The following CSMD1 variants were observed in gnomAD, a reference collection of about 807,000 sequenced individuals.
The protein encoded by CSMD1 is CUB and Sushi multiple domains 1.
CSMD1 carries 213 observed loss-of-function variants against 417.5 expected under a neutral mutation model. That is an observed-to-expected ratio of 0.51 (90% CI 0.46 to 0.57). The LOEUF is 0.57. Among genes scored for constraint, CSMD1 ranks in the 20% least tolerant of loss-of-function variants. CSMD1 has a pLI of 0.00. For synonymous variants in CSMD1, 2,862 were observed against 1,736.8 expected, an observed-to-expected ratio of 1.65 and a Z score of -16.11; for missense variants, 6,923 against 4,529.7, an observed-to-expected ratio of 1.53 and a Z score of -15.17.
At chr8:4,626,431 A>G (rs1244071275) in intron 2 of CSMD1, among the ~76,000 whole-genome samples, 1 of 152,098 alleles carries the variant, frequency 6.6e-6, no homozygotes, top group South Asian at 2.1e-4. Context: ...CAATAGTAGT[A>G]ACTCTGAACC....
intron 5 of CSMD1, among the ~76,000 whole-genome samples, chr8:3,956,845 C>A (rs1242960360): frequency 6.6e-6 from 1 of 152,162 alleles, no homozygotes; most frequent in African/African-American, 2.4e-5. Context: ...GTTGGTGGCT[C>A]TTCCTGACTA....
At chr8:4,717,562 C>T (rs1584990850) in intron 1 of CSMD1, among the ~76,000 whole-genome samples, 2 of 127,310 alleles carry the variant, frequency 1.6e-5, no homozygotes, top group East Asian at 4.7e-4. Flanking sequence ...ATCTATCTAT[C>T]TATCCATCCA....
chr8:3,391,572 T>A (rs535886033), intron 17 of CSMD1, among the ~76,000 whole-genome samples: 74 of 152,252 alleles, frequency 4.9e-4, no homozygotes, highest in African/African-American at 1.7e-3. Context: ...CACTAACATA[T>A]GAGATGATTC....
At chr8:4,236,307 G>T (rs1404403593) in intron 3 of CSMD1, among the ~76,000 whole-genome samples, 1 of 151,988 alleles carries the variant, frequency 6.6e-6, no homozygotes, top group Non-Finnish European at 1.5e-5. Context: ...TAGAACGCAG[G>T]AAACAGTATA....
At chr8:3,288,987 C>G (rs891644332) in intron 25 of CSMD1, among the ~76,000 whole-genome samples, 5 of 143,348 alleles carry the variant, frequency 3.5e-5, no homozygotes, top group Admixed American at 2.7e-4. Flanking sequence ...TCCCCCTACC[C>G]CACAACAGTC....
intron 2 of CSMD1, among the ~76,000 whole-genome samples, chr8:4,483,810 T>C (rs1801228494): frequency 1.3e-5 from 2 of 152,198 alleles, no homozygotes; most frequent in African/African-American, 4.8e-5. Flanking sequence ...GGTTGGTTTG[T>C]GAAGGTTTCA....
intron 3 of CSMD1, among the ~76,000 whole-genome samples, chr8:4,118,046 G>C (rs988415026): frequency 8.6e-5 from 13 of 151,876 alleles, no homozygotes; most frequent in African/African-American, 3.1e-4. Context: ...TAGTCATCAG[G>C]GAACAATGAA....
At chr8:3,405,723 G>A (rs1273017077) in intron 15 of CSMD1, among the ~76,000 whole-genome samples, 1 of 152,172 alleles carries the variant, frequency 6.6e-6, no homozygotes, top group African/African-American at 2.4e-5. Flanking sequence ...GCAGAGATGA[G>A]GGTGAGGCTT....
At chr8:3,959,366 G>C (rs1218213217) in intron 5 of CSMD1, among the ~76,000 whole-genome samples, 2 of 152,148 alleles carry the variant, frequency 1.3e-5, no homozygotes, top group African/African-American at 4.8e-5. Context: ...GGGTGTGATG[G>C]CGCCAGCCTG....
intron 3 of CSMD1, among the ~76,000 whole-genome samples, chr8:4,110,316 G>A (rs879390803): frequency 1.3e-4 from 20 of 152,178 alleles, no homozygotes; most frequent in Admixed American, 7.2e-4. Flanking sequence ...CATTTCCCAG[G>A]AACTTGTGAA....
chr8:4,130,705 A>G lies in CSMD1; in HGVS notation c.416-98606T>C, dbSNP rs1170233868. Among the ~76,000 whole-genome samples, 7 of 143,632 alleles carry G rather than the reference A, an allele frequency of 4.9e-5. No homozygotes were observed. The East Asian group carries it at 1.4e-3, about 29-fold the overall frequency. 94.2% of individuals were successfully genotyped at this position (143,632 alleles called of 152,430 possible). On this transcript the variant is annotated intron_variant, in intron 3 of 69. Transcript: ENST00000635120. ...TTTTAGTGGAATTTTGGAGGGGAGTAGATAACACATGAAAGTATTTTGTCT... is the reference window on the plus strand; with the variant it reads ...TTTTAGTGGAATTTTGGAGGGGAGTGGATAACACATGAAAGTATTTTGTCT...
intron 23 of CSMD1, among the ~76,000 whole-genome samples, chr8:3,330,564 A>G (rs1806827105): frequency 6.6e-6 from 1 of 152,206 alleles, no homozygotes; most frequent in African/African-American, 2.4e-5. Flanking sequence ...ATGAACACAA[A>G]GAAGGGGATG....
chr8:3,140,253 G>T (rs1195815192), intron 41 of CSMD1, among the ~76,000 whole-genome samples: 1 of 152,146 alleles, frequency 6.6e-6, no homozygotes, highest in Non-Finnish European at 1.5e-5. Context: ...GAAAAAGAGA[G>T]AGAGCAGAGA....
intron 1 of CSMD1, among the ~76,000 whole-genome samples, chr8:4,805,059 A>G (rs1259399492): frequency 3.3e-5 from 5 of 152,196 alleles, no homozygotes; most frequent in South Asian, 2.1e-4. Flanking sequence ...AGCAGCTCCA[A>G]TTTGGAGTTT....
chr8:4,280,153 G>A (rs1796700681), intron 3 of CSMD1, among the ~76,000 whole-genome samples: 1 of 152,174 alleles, frequency 6.6e-6, no homozygotes. Context: ...GAATTATTTA[G>A]AAGTACGCTT....
rs559981806 is a variant in CSMD1 at position 4,803,866 on chromosome 8, G to A, written c.86-166308C>T. 6.6e-5 allele frequency among the ~76,000 whole-genome samples: 10 copies of A among 152,216 alleles called. No homozygotes were observed. The South Asian group carries it at 1.7e-3, about 25-fold the overall frequency. On this transcript the variant is annotated intron_variant, in intron 1 of 69. Coordinates refer to ENST00000635120, the MANE Select transcript of CSMD1 (RefSeq NM_033225.6). Reference sequence around the variant, plus strand: ...TGTGTGTGTTACATATTTTTTGTAAGAATTTAATGAGAGCCAAGTGTTAAC... The same window carrying A: ...TGTGTGTGTTACATATTTTTTGTAAAAATTTAATGAGAGCCAAGTGTTAAC...
chr8:2,969,079 C>T (rs1001128041), intron 57 of CSMD1, among the ~76,000 whole-genome samples: 3 of 152,020 alleles, frequency 2.0e-5, no homozygotes, highest in Non-Finnish European at 2.9e-5. Context: ...TAAACCTGAG[C>T]AATCAATTTA....
intron 5 of CSMD1, among the ~76,000 whole-genome samples, chr8:3,832,887 C>G (rs1802455759): frequency 6.6e-6 from 1 of 151,950 alleles, no homozygotes; most frequent in Admixed American, 6.6e-5. Flanking sequence ...AGAAGAAAAC[C>G]CATATTGCAT....
At chr8:3,229,942 G>A in intron 27 of CSMD1, 98 bp downstream of exon 27, 3 of 882,768 alleles carry the variant, frequency 3.4e-6, no homozygotes, top group Non-Finnish European at 5.0e-6. Context: ...AAACTCTTGA[G>A]AAATATTTCT....
Sources: gnomAD v4.1 joint callset for allele counts (sites outside exome capture counted in the v4.1 genomes callset) on GRCh38, gnomAD v4.1.1 for gene constraint, MANE v1.5 for transcripts, NCBI Gene and HGNC (gene_info 2026-07-23, HGNC 2026-07-21) for gene names.